PREX2: variants seen among roughly 807,000 people sequenced by gnomAD.
PREX2 encodes the protein phosphatidylinositol 3,4,5-trisphosphate-dependent Rac exchanger 2 protein.
A neutral mutation model predicts 203.2 loss-of-function variants in PREX2; 107 were observed. That is an observed-to-expected ratio of 0.53 (90% CI 0.45 to 0.62). The LOEUF (loss-of-function observed/expected upper bound fraction) is 0.62, where lower values mean the gene tolerates loss of function less well. Among genes scored for constraint, PREX2 ranks in the 20% least tolerant of loss-of-function variants. PREX2 has a pLI of 0.00. For synonymous variants in PREX2, 672 were observed against 663.6 expected (o/e 1.01, Z -0.19); for missense variants, 1,777 against 1,955.9 (o/e 0.91, Z 1.72).
chr8:68,156,265 A>G (rs138944696), intron 34 of PREX2, among the ~76,000 whole-genome samples: 3 of 152,136 alleles, frequency 2.0e-5, no homozygotes, highest in East Asian at 3.9e-4. Flanking sequence ...GGGTCTCGCT[A>G]TGTTGCCTAG....
chr8:68,029,767 C>G (rs1304560911), intron 5 of PREX2, among the ~76,000 whole-genome samples: 1 of 152,036 alleles, frequency 6.6e-6, no homozygotes, highest in Non-Finnish European at 1.5e-5. Context: ...AAACAACTAA[C>G]AAGGGCTTTC....
chr8:67,986,907 T>C (rs2129609357), intron 1 of PREX2, among the ~76,000 whole-genome samples: 1 of 152,248 alleles, frequency 6.6e-6, no homozygotes, highest in South Asian at 2.1e-4. Flanking sequence ...GGCTCACAGC[T>C]GTAATCCTAG....
chr8:68,097,302 G>A (rs1791595944), intron 22 of PREX2, 101 bp downstream of exon 22: 1 of 885,660 alleles, frequency 1.1e-6, no homozygotes, highest in Non-Finnish European at 1.6e-6. Context: ...TATACATGTT[G>A]CAGCTGTCAG....
chr8:68,120,128 T>G (rs1810739640), intron 28 of PREX2, 68 bp from the exon 29 acceptor site: 1 of 1,030,842 alleles, frequency 9.7e-7, no homozygotes, highest in Non-Finnish European at 1.5e-6. Flanking sequence ...TTTTATAAGA[T>G]TTACTTTTAG....
chr8:68,015,719 A>G (rs1385253901), intron 1 of PREX2, among the ~76,000 whole-genome samples: 1 of 152,240 alleles, frequency 6.6e-6, no homozygotes, highest in Non-Finnish European at 1.5e-5. Flanking sequence ...ATGGAATGAG[A>G]TTAAAGAACA....
At chr8:68,102,828 T>G (rs1234889475) in intron 23 of PREX2, 2 of 518,616 alleles carry the variant, frequency 3.9e-6, no homozygotes, top group South Asian at 2.8e-5. Context: ...AGGCCACAGA[T>G]GTTTTTTGGC....
At chr8:68,072,441 C>A in intron 13 of PREX2, 54 bp from the exon 14 acceptor site, 1 of 935,646 alleles carries the variant, frequency 1.1e-6, no homozygotes, top group Non-Finnish European at 1.7e-6. Context: ...GCTTACCTAC[C>A]CTCTTGCTTA....
In PREX2 at chr8:68,146,264, C is replaced by G; in HGVS notation, c.4143C>G (p.Phe1381Leu). 3 of 1,612,012 alleles carry G rather than the reference C, an allele frequency of 1.9e-6. No homozygotes were observed. Among genetic ancestry groups the G allele is most frequent in the African/African-American group, 2.7e-5 (2 of 74,900 alleles). The change falls in exon 34 of 40, where the codon TTC becomes TTG. Residue 1381 changes from phenylalanine to leucine, a missense_variant. Phe to Leu is a conservative substitution (Grantham distance 22). Transcript: ENST00000288368. Reference protein sequence around the residue: ...EGSRQALKVYFYIDSYHFEQL... With the variant: ...EGSRQALKVYLYIDSYHFEQL... ...GTCGGCAAGCTCTGAAAGTTTACTT[C>G]TACATTGATAGTTATCATTTTGAAC...
intron 8 of PREX2, 37 bp from the exon 9 acceptor site, chr8:68,053,060 A>G (rs1241559832): frequency 6.3e-7 from 1 of 1,585,166 alleles, no homozygotes; most frequent in Non-Finnish European, 8.6e-7. Flanking sequence ...ATTGTGTATT[A>G]CATTTTGTTC....
Position 68,120,952 on chromosome 8 carries a change from T to C in PREX2, c.3627T>C (p.Ser1209=). 6.2e-7 allele frequency: 1 copy of C among 1,613,458 alleles called. No homozygotes were observed. The part of the protein sequence containing the change: ...EFQQEMEPKL[S]CPKRLRLHIK... ...AACAGGAAATGGAACCAAAGCTGAGTTGTCCAAAAAGGCTACGGCTTCATA... is the reference window on the plus strand; with the variant it reads ...AACAGGAAATGGAACCAAAGCTGAGCTGTCCAAAAAGGCTACGGCTTCATA... Residue 1209 remains serine, a synonymous_variant, in exon 30 of 40, where the codon AGT becomes AGC. Coordinates refer to ENST00000288368, the MANE Select transcript of PREX2 (RefSeq NM_024870.4).
chr8:68,133,100 G>A (rs1811039869), intron 31 of PREX2, among the ~76,000 whole-genome samples: 1 of 152,142 alleles, frequency 6.6e-6, no homozygotes, highest in East Asian at 1.9e-4. Context: ...AATGGGAGAA[G>A]GCAGAAGGGG....
intron 1 of PREX2, among the ~76,000 whole-genome samples, chr8:67,960,361 C>G (rs1305708329): frequency 1.3e-5 from 2 of 151,866 alleles, no homozygotes; most frequent in African/African-American, 2.4e-5. Flanking sequence ...TTTTTTTTCC[C>G]CTCCATAAAC....
At chr8:68,119,375 G>T (rs941309564) in intron 27 of PREX2, 57 bp from the exon 28 acceptor site, 2 of 1,132,812 alleles carry the variant, frequency 1.8e-6, no homozygotes, top group Non-Finnish European at 2.7e-6. Flanking sequence ...ATTTTGGTAC[G>T]TTAAACATAA....
intron 1 of PREX2, among the ~76,000 whole-genome samples, chr8:68,000,973 G>C (rs1397509378): frequency 6.6e-6 from 1 of 152,178 alleles, no homozygotes; most frequent in East Asian, 1.9e-4. Context: ...AGGCTTAAAT[G>C]TAAAATCCAA....
chr8:68,082,959 A>G (rs2129611967), intron 17 of PREX2: 1 of 272,084 alleles, frequency 3.7e-6, no homozygotes, highest in Non-Finnish European at 6.9e-6. Context: ...TAAGCTAAAG[A>G]ACAGTAAAAT....
chr8:68,191,654 G>T, intron 35 of PREX2, 68 bp from the exon 36 acceptor site: 1 of 1,118,964 alleles, frequency 8.9e-7, no homozygotes, highest in East Asian at 2.4e-5. Flanking sequence ...AGTGATTCTT[G>T]AACATCTTCA....
At chr8:68,066,154 T>C (rs1360106317) in intron 11 of PREX2, among the ~76,000 whole-genome samples, 1 of 152,198 alleles carries the variant, frequency 6.6e-6, no homozygotes, top group Non-Finnish European at 1.5e-5. Context: ...TTTCTTATCT[T>C]GCTATTGTGA....
At chr8:68,018,052 G>T in intron 2 of PREX2, 135 bp downstream of exon 2, 1 of 646,120 alleles carries the variant, frequency 1.5e-6, no homozygotes, top group Non-Finnish European at 2.8e-6. Flanking sequence ...AGTTGTATTG[G>T]TAATAATTTT....
chr8:68,160,236 T>C (rs184882277), intron 35 of PREX2, among the ~76,000 whole-genome samples: 5 of 152,276 alleles, frequency 3.3e-5, no homozygotes, highest in Admixed American at 3.3e-4. Context: ...ATGAACTTCT[T>C]TGAAGACACA....
Sources: gnomAD v4.1 joint callset for allele counts (sites outside exome capture counted in the v4.1 genomes callset) on GRCh38, gnomAD v4.1.1 for gene constraint, MANE v1.5 for transcripts, NCBI Gene and HGNC (gene_info 2026-07-23, HGNC 2026-07-21) for gene names.